COL18A1: variants seen among roughly 807,000 people sequenced by gnomAD.
COL18A1 encodes collagen alpha-1(XVIII) chain.
A neutral mutation model predicts 168.0 loss-of-function variants in COL18A1; 133 were observed. The observed-to-expected ratio is 0.79, with a 90% CI of 0.69 to 0.91. COL18A1 has a LOEUF of 0.91. Ranked by LOEUF, COL18A1 falls within the 40% of genes least tolerant of loss-of-function variation. The pLI is 0.00. For synonymous variants in COL18A1, 949 were observed against 809.0 expected (o/e 1.17, Z -2.94); for missense variants, 2,126 against 1,925.4 (o/e 1.10, Z -1.95).
intron 2 of COL18A1, among the ~76,000 whole-genome samples, chr21:45,442,668 G>T (rs1259371203): frequency 7.1e-6 from 1 of 141,542 alleles, no homozygotes; most frequent in East Asian, 2.1e-4. Flanking sequence ...TGTGGGCGGC[G>T]GTCCTGGTGT....
At position 45,495,339 on chromosome 21, in the gene COL18A1, C is replaced by A. The variant is rs775215051; in HGVS notation, c.2434-19C>A. The A allele has an allele frequency of 1.6e-5, 25 of 1,593,834 alleles. No individual in the cohort carries two copies. The highest frequency in any genetic ancestry group is 2.1e-5 in the Non-Finnish European group (24 of 1,168,090). On this transcript the variant is annotated intron_variant, in intron 28 of 41. Coordinates refer to ENST00000651438, the MANE Select transcript of COL18A1 (RefSeq NM_001379500.1). ...ATCATCAGTGCCCAGCAGTCCCCACCCCCTGTGCTCCGCCCCAGGGTCGCC... is the reference window on the plus strand; with the variant it reads ...ATCATCAGTGCCCAGCAGTCCCCACACCCTGTGCTCCGCCCCAGGGTCGCC...
chr21:45,428,316 C>T (rs1688155253), intron 2 of COL18A1, among the ~76,000 whole-genome samples: 1 of 152,136 alleles, frequency 6.6e-6, no homozygotes, highest in Non-Finnish European at 1.5e-5. Flanking sequence ...CTCAGCTGAC[C>T]CGGCGTGCAG....
chr21:45,503,765 A>C lies in COL18A1; in HGVS notation c.2684-246A>C, dbSNP rs2037008342. On this transcript the variant is annotated intron_variant, in intron 32 of 41. Transcript: ENST00000651438. ...ACTAACCTGCACATCATGCACATGT[A>C]CCCTAAAACTTAAAGTATAATAATA... 2.0e-5 allele frequency among the ~76,000 whole-genome samples: 3 copies of C among 152,140 alleles called. No individual in the cohort carries two copies. In the South Asian group the frequency reaches 6.2e-4, roughly 32 times the overall value.
chr21:45,501,258 G>A (rs1396559859), intron 32 of COL18A1, among the ~76,000 whole-genome samples: 10 of 152,054 alleles, frequency 6.6e-5, no homozygotes, highest in Non-Finnish European at 8.8e-5. Flanking sequence ...GATATGACAA[G>A]TGAAAAATTG....
At chr21:45,468,060 G>GGCAATGAGCCACCC (rs1243014641) in intron 2 of COL18A1, among the ~76,000 whole-genome samples, 182 bp from the exon 3 acceptor site, 11 of 152,354 alleles carry the variant, frequency 7.2e-5, no homozygotes, top group Middle Eastern at 6.8e-3. Context: ...GGGAATGAGT[G>GGCAATGAGCCACCC]AACCAGGGTG....
intron 17 of COL18A1, 106 bp from the exon 18 acceptor site, chr21:45,488,312 C>A (rs919517146): frequency 2.9e-6 from 4 of 1,382,076 alleles, no homozygotes; most frequent in Admixed American, 1.7e-5. Flanking sequence ...CTTTTACACA[C>A]GTATTTTGAA....
At chr21:45,411,759 C>CGGTGGGGGGG (rs2033296532) in intron 2 of COL18A1, among the ~76,000 whole-genome samples, 1 of 7,582 alleles carries the variant, frequency 1.3e-4, no homozygotes, top group Admixed American at 1.5e-3. Flanking sequence ...GGGCTGATGG[C>CGGTGGGGGGG]GGGGGGTGGG....
chr21:45,503,647 G>GA (rs1491430330), intron 32 of COL18A1, among the ~76,000 whole-genome samples: 2 of 103,486 alleles, frequency 1.9e-5, no homozygotes, highest in East Asian at 7.1e-4. Context: ...GGGGTGGGGG[G>GA]AGGGGGGAGG....
rs780961008 is a variant in COL18A1, at chr21:45,507,562, T to C, written c.3218T>C (p.Leu1073Pro). Reference sequence around the variant, plus strand: ...GGTGACCCTGCTGCTTTCTTCCAGCTGGAGGCCCGGACACCACTCCCACGA... The same window carrying C: ...GGTGACCCTGCTGCTTTCTTCCAGCCGGAGGCCCGGACACCACTCCCACGA... ...RVQNGFRKVQ[L>P]EARTPLPRGT... is the part of the protein sequence containing the mutation. Residue 1073 changes from leucine (L) to proline (P), a missense_variant and splice_region_variant, in exon 38 of 42, where the codon CTG becomes CCG. Leu to Pro is a moderately conservative substitution (Grantham distance 98). Transcript: ENST00000651438. 6.8e-6 allele frequency: 11 copies of C among 1,612,822 alleles called. No individual in the cohort carries two copies. Among genetic ancestry groups the C allele is most frequent in the Non-Finnish European group, 8.5e-6 (10 of 1,179,882 alleles).
intron 2 of COL18A1, among the ~76,000 whole-genome samples, chr21:45,439,756 C>G (rs766448105): frequency 6.8e-6 from 1 of 146,978 alleles, no homozygotes; most frequent in Non-Finnish European, 1.6e-5. Flanking sequence ...TTTGGAAGTG[C>G]AGCTCGTCCT....
Position 45,477,837 on chromosome 21 carries a change from C to T in COL18A1, c.1093C>T (p.Pro365Ser), listed in dbSNP as rs1429501232. 5 of 1,552,756 alleles carry T rather than the reference C, an allele frequency of 3.2e-6. No individual in the cohort carries two copies. The Admixed American group carries it at 5.9e-5, about 18-fold the overall frequency. ...GPPGSPCLPG[P>S]PGLPCPVSPL... ...CCCAGGATCCCCATGCCTACCTGGTCCCCCGGGTCTCCCGTGCCCAGTGAG... is the reference window on the plus strand; with the variant it reads ...CCCAGGATCCCCATGCCTACCTGGTTCCCCGGGTCTCCCGTGCCCAGTGAG... Residue 365 changes from proline to serine, a missense_variant, in exon 8 of 42, where the codon CCC (proline) becomes TCC (serine). Physicochemically the swap from Pro to Ser is moderately conservative, Grantham distance 74 (BLOSUM62 -1). Coordinates refer to ENST00000651438, the MANE Select transcript of COL18A1 (RefSeq NM_001379500.1).
intron 2 of COL18A1, chr21:45,456,109 A>G (rs1406936322): frequency 6.3e-7 from 1 of 1,588,438 alleles, no homozygotes; most frequent in Non-Finnish European, 8.6e-7. Flanking sequence ...CACCCACCCC[A>G]TCGCCTCCCT....
intron 15 of COL18A1, 22 bp from the exon 16 acceptor site, chr21:45,486,839 A>G: frequency 6.5e-7 from 1 of 1,527,470 alleles, no homozygotes; most frequent in South Asian, 1.2e-5. Flanking sequence ...GGGTCCTGAC[A>G]CGCTCTCCTC....
intron 32 of COL18A1, 183 bp from the exon 33 acceptor site, chr21:45,503,828 G>T: frequency 7.1e-6 from 3 of 425,240 alleles, no homozygotes; most frequent in Non-Finnish European, 1.3e-5. Context: ...AAATAAAAAG[G>T]CACCATTAAC....
intron 2 of COL18A1, among the ~76,000 whole-genome samples, chr21:45,464,784 G>A (rs559484115): frequency 1.3e-5 from 2 of 152,190 alleles, no homozygotes; most frequent in South Asian, 2.1e-4. Flanking sequence ...TTTGTCCTTC[G>A]ATTTTAAGGC....
chr21:45,490,755 C>T, intron 20 of COL18A1, 81 bp from the exon 21 acceptor site: 1 of 1,432,466 alleles, frequency 7.0e-7, no homozygotes, highest in Non-Finnish European at 9.6e-7. Flanking sequence ...AACCCCACAT[C>T]TTCATCAGAG....
intron 2 of COL18A1, among the ~76,000 whole-genome samples, chr21:45,406,267 G>A (rs1399812543): frequency 6.6e-6 from 1 of 152,166 alleles, no homozygotes; most frequent in East Asian, 1.9e-4. Context: ...GTGCCTTGTC[G>A]CGGGTGGAAT....
Position 45,467,543 on chromosome 21 carries a change from G to A in COL18A1, c.107-699G>A, listed in dbSNP as rs57656481. Reference sequence around the variant, plus strand: ...AAGCACCTGGCCCAGCAGGTGAGCCGGTGACCGACAGCGCTGGGTGAAATC... The same window carrying A: ...AAGCACCTGGCCCAGCAGGTGAGCCAGTGACCGACAGCGCTGGGTGAAATC... On this transcript the variant is annotated intron_variant, in intron 2 of 41. Coordinates refer to ENST00000651438, the MANE Select transcript of COL18A1 (RefSeq NM_001379500.1). The A allele has an allele frequency of 8.4e-3, 5,673 of 675,588 alleles. 285 individuals carry two copies. In the African/African-American group the frequency reaches 0.1, roughly 12 times the overall value. 41.8% of individuals were successfully genotyped at this position (675,588 alleles called of 1,614,324 possible).
At chr21:45,476,257 T>C (rs1017232822) in intron 5 of COL18A1, 94 bp from the exon 6 acceptor site, 1 of 1,564,938 alleles carries the variant, frequency 6.4e-7, no homozygotes, top group South Asian at 1.1e-5. Context: ...TTTATCTTTC[T>C]TGCGATCTTA....
Sources: gnomAD v4.1 joint callset for allele counts (sites outside exome capture counted in the v4.1 genomes callset) on GRCh38, gnomAD v4.1.1 for gene constraint, MANE v1.5 for transcripts, NCBI Gene and HGNC (gene_info 2026-07-23, HGNC 2026-07-21) for gene names.